Variants in PTPRK observed in about 807,000 individuals in gnomAD.
PTPRK encodes receptor-type tyrosine-protein phosphatase kappa.
PTPRK carries 75 observed loss-of-function variants against 178.0 expected under a neutral mutation model. That is an observed-to-expected ratio of 0.42 (90% CI 0.35 to 0.51). The LOEUF is 0.51. Ranked by LOEUF, PTPRK falls within the 20% of genes least tolerant of loss-of-function variation. PTPRK has a pLI of 0.02. For missense variants in PTPRK, 1,441 were observed against 1,797.8 expected, an observed-to-expected ratio of 0.80 and a Z score of 3.59; for synonymous variants, 637 against 620.6, an observed-to-expected ratio of 1.03 and a Z score of -0.39.
At position 128,081,459 on chromosome 6, in the gene PTPRK, A is replaced by G. The variant is rs1027582493; in HGVS notation, c.1777+978T>C. 1.1e-4 allele frequency among the ~76,000 whole-genome samples: 17 copies of G among 152,082 alleles called. No homozygotes were observed. The East Asian group carries it at 2.9e-3, about 26-fold the overall frequency. ...GTTTGCAAGTAACATTTTAGACTCA[A>G]AATAATTTGGAAAGTACATGTCTTC... On this transcript the variant is annotated intron_variant, in intron 10 of 29. Transcript: ENST00000368226.
rs140611580 is a variant in PTPRK at position 128,368,976 on chromosome 6, T to A, written c.223+28590A>T. Among the ~76,000 whole-genome samples, 54 of 151,294 alleles carry A rather than the reference T, an allele frequency of 3.6e-4. No homozygotes were observed. The East Asian group carries it at 9.3e-3, about 26-fold the overall frequency. On this transcript the variant is annotated intron_variant, in intron 2 of 29. Transcript: ENST00000368226. ...AAAAAAAAAAACACACACACAGCAA[T>A]AACAACAAAAAAATCACCCAAGAGC... is the stretch of plus-strand genomic sequence containing the variant.
intron 1 of PTPRK, among the ~76,000 whole-genome samples, chr6:128,457,574 A>G (rs1325131648): frequency 6.6e-6 from 1 of 152,108 alleles, no homozygotes; most frequent in African/African-American, 2.4e-5. Flanking sequence ...TATATTTGCC[A>G]TTGTGCTTAT....
intron 2 of PTPRK, among the ~76,000 whole-genome samples, chr6:128,370,902 G>C (rs1836181072): frequency 6.6e-6 from 1 of 152,062 alleles, no homozygotes; most frequent in Admixed American, 6.6e-5. Flanking sequence ...TACAAATCAT[G>C]TTTTCCCTTT....
chr6:128,034,308 T>G (rs1380397534), intron 13 of PTPRK, among the ~76,000 whole-genome samples: 1 of 152,200 alleles, frequency 6.6e-6, no homozygotes, highest in Non-Finnish European at 1.5e-5. Context: ...AACAACATGA[T>G]AGAAAAGCTA....
In PTPRK at chr6:128,008,102, C is replaced by T. The variant is rs369624365; in HGVS notation, c.2333+1028G>A. ...AACATATATATCTCCAGGGGATAAT[C>T]GTAAAGAGGCAATATATTAAAATAA... is the stretch of plus-strand genomic sequence containing the variant. On this transcript the variant is annotated intron_variant, in intron 14 of 29. Coordinates refer to ENST00000368226, the MANE Select transcript of PTPRK (RefSeq NM_002844.4). 34 of 1,319,974 alleles carry T rather than the reference C, an allele frequency of 2.6e-5. No individual in the cohort carries two copies. The African/African-American group carries it at 3.9e-4, about 15-fold the overall frequency. The allele number at this position is 1,319,974 out of a possible 1,614,324, so 81.8% of individuals were successfully genotyped here. A position where few individuals can be genotyped will look rare whatever the true frequency, so the allele number is the denominator to read the frequency against.
chr6:128,018,086 A>G (rs1357667147), intron 13 of PTPRK, among the ~76,000 whole-genome samples: 1 of 151,724 alleles, frequency 6.6e-6, no homozygotes, highest in Non-Finnish European at 1.5e-5. Context: ...TAAAAATTGT[A>G]TTGCAAATAT....
At chr6:128,402,819 C>T (rs1841201869) in intron 1 of PTPRK, among the ~76,000 whole-genome samples, 1 of 152,100 alleles carries the variant, frequency 6.6e-6, no homozygotes. Flanking sequence ...ATTTATGAGT[C>T]ACTGGTCATA....
At chr6:128,369,317 T>C (rs1356897124) in intron 2 of PTPRK, among the ~76,000 whole-genome samples, 5 of 152,140 alleles carry the variant, frequency 3.3e-5, no homozygotes, top group Non-Finnish European at 5.9e-5. Context: ...ATTCCATATG[T>C]AAATAACGTT....
chr6:128,184,685 A>G lies in PTPRK; in HGVS notation c.909T>C (p.Val303=), dbSNP rs1282901403. 6.2e-7 allele frequency: 1 copy of G among 1,614,022 alleles called. No homozygotes were observed. Among genetic ancestry groups the G allele is most frequent in the African/African-American group, 1.3e-5 (1 of 75,042 alleles). The change falls in exon 7 of 30, where the codon GTT becomes GTC. Residue 303 remains valine, a synonymous_variant. Transcript: ENST00000368226. ...RPIAPPQLLG[V]GPTYLLIQLN... is the part of the protein sequence containing the mutation. Reference sequence around the variant, plus strand: ...GTTGGATCAGCAAATATGTAGGCCCAACACCAAGAAGCTGAGGAGGAGCAA... The same window carrying G: ...GTTGGATCAGCAAATATGTAGGCCCGACACCAAGAAGCTGAGGAGGAGCAA...
At chr6:128,371,259 T>A (rs1366183890) in intron 2 of PTPRK, among the ~76,000 whole-genome samples, 1 of 152,228 alleles carries the variant, frequency 6.6e-6, no homozygotes, top group Non-Finnish European at 1.5e-5. Flanking sequence ...ACTCTATCTG[T>A]ACCATAATGT....
At chr6:128,016,388 C>T (rs918831353) in intron 13 of PTPRK, among the ~76,000 whole-genome samples, 9 of 151,784 alleles carry the variant, frequency 5.9e-5, no homozygotes, top group African/African-American at 2.2e-4. Context: ...TTCTATGTGT[C>T]CCTTATCTTC....
intron 7 of PTPRK, among the ~76,000 whole-genome samples, chr6:128,116,333 TATA>T (rs1791522554): frequency 6.6e-6 from 1 of 152,164 alleles, no homozygotes; most frequent in Non-Finnish European, 1.5e-5. Flanking sequence ...GTAGTACAGA[TATA>T]ATCTGACCCT....
At chr6:128,176,394 T>C (rs73588664) in intron 7 of PTPRK, among the ~76,000 whole-genome samples, 6,939 of 151,840 alleles carry the variant, frequency 0.046, 427 homozygotes, top group African/African-American at 0.14. Flanking sequence ...AGCCAAAGAA[T>C]GAAAGATGAG....
intron 1 of PTPRK, among the ~76,000 whole-genome samples, chr6:128,433,451 G>A (rs1183571882): frequency 4.6e-5 from 7 of 151,994 alleles, no homozygotes; most frequent in Admixed American, 2.0e-4. Flanking sequence ...GCAAATGACC[G>A]GATTTCATTC....
intron 2 of PTPRK, among the ~76,000 whole-genome samples, chr6:128,377,790 A>C (rs2128353642): frequency 6.6e-6 from 1 of 152,280 alleles, no homozygotes; most frequent in East Asian, 1.9e-4. Flanking sequence ...AATGGAAAAA[A>C]AAAATGTCCT....
At chr6:128,127,568 A>C (rs890118636) in intron 7 of PTPRK, among the ~76,000 whole-genome samples, 3 of 152,156 alleles carry the variant, frequency 2.0e-5, no homozygotes, top group African/African-American at 7.2e-5. Flanking sequence ...CCTGCTTATG[A>C]CCTAGGATTT....
At chr6:128,189,577 A>G (rs1029855483) in intron 6 of PTPRK, among the ~76,000 whole-genome samples, 3 of 152,094 alleles carry the variant, frequency 2.0e-5, no homozygotes, top group African/African-American at 4.8e-5. Flanking sequence ...AAAGGGAAAA[A>G]CAGAGATGAT....
chr6:128,453,830 G>A (rs1848083866), intron 1 of PTPRK, among the ~76,000 whole-genome samples: 1 of 151,960 alleles, frequency 6.6e-6, no homozygotes, highest in Non-Finnish European at 1.5e-5. Context: ...ATGCATGCAG[G>A]GCACCAACTT....
Position 127,982,824 on chromosome 6 carries a change from T to C in PTPRK, c.3537+7A>G. On this transcript the variant is annotated splice_region_variant and intron_variant, in intron 24 of 29. Transcript: ENST00000368226. Reference sequence around the variant, plus strand: ...GTCACAAAAGAGGTTTTAGAAATAGTTAATACCTGAAATTCATCCTTGAGA... The same window carrying C: ...GTCACAAAAGAGGTTTTAGAAATAGCTAATACCTGAAATTCATCCTTGAGA... The C allele has an allele frequency of 6.2e-7, 1 of 1,602,566 alleles. No homozygotes were observed. Among genetic ancestry groups the C allele is most frequent in the Non-Finnish European group, 8.5e-7 (1 of 1,173,530 alleles).
Sources: gnomAD v4.1 joint callset for allele counts (sites outside exome capture counted in the v4.1 genomes callset) on GRCh38, gnomAD v4.1.1 for gene constraint, MANE v1.5 for transcripts, NCBI Gene and HGNC (gene_info 2026-07-23, HGNC 2026-07-21) for gene names.